TINAG: variants seen among roughly 807,000 people sequenced by gnomAD.
TINAG encodes the protein tubulointerstitial nephritis antigen.
Under a neutral mutation model 72.7 loss-of-function variants are expected in TINAG, and 83 were observed. The observed-to-expected ratio is 1.14, with a 90% CI of 0.96 to 1.37. TINAG has a LOEUF of 1.37. Among genes scored for constraint, TINAG ranks in the 40% most tolerant of loss-of-function variants. The probability of loss-of-function intolerance (pLI) is 0.00; values close to 1 mark genes in which losing one functional copy is unlikely to be tolerated. For missense variants in TINAG, 685 were observed against 576.6 expected, an observed-to-expected ratio of 1.19 and a Z score of -1.93; for synonymous variants, 234 against 189.9, an observed-to-expected ratio of 1.23 and a Z score of -1.91.
At chr6:54,326,738 T>C in intron 3 of TINAG, 64 bp from the exon 4 acceptor site, 1 of 1,175,576 alleles carries the variant, frequency 8.5e-7, no homozygotes, top group Non-Finnish European at 1.2e-6. Context: ...AAAATGTATT[T>C]ATAAAAGTGA....
At chr6:54,334,463 A>G (rs548707934) in intron 4 of TINAG, among the ~76,000 whole-genome samples, 3 of 152,242 alleles carry the variant, frequency 2.0e-5, no homozygotes, top group Admixed American at 2.0e-4. Flanking sequence ...AACTAGTATC[A>G]GAGAAGATAA....
chr6:54,344,179 A>C (rs965142749), intron 5 of TINAG, among the ~76,000 whole-genome samples: 7 of 152,210 alleles, frequency 4.6e-5, no homozygotes, highest in Non-Finnish European at 7.3e-5. Flanking sequence ...AAGGATTGTG[A>C]ACAAGTACAT....
chr6:54,350,912 T>C (rs1508643), intron 7 of TINAG, among the ~76,000 whole-genome samples: 100,020 of 151,222 alleles, frequency 0.66, 33,948 homozygotes, highest in Non-Finnish European at 0.74. Flanking sequence ...GCTCAATATG[T>C]ACAGAAAAAT....
chr6:54,383,737 G>C (rs1028096337), intron 10 of TINAG, among the ~76,000 whole-genome samples: 4 of 152,088 alleles, frequency 2.6e-5, no homozygotes, highest in Non-Finnish European at 5.9e-5. Context: ...GAAAAATCTA[G>C]ATGAAAAGAT....
intron 4 of TINAG, among the ~76,000 whole-genome samples, chr6:54,329,808 G>A (rs1180235653): frequency 1.3e-5 from 2 of 151,928 alleles, no homozygotes; most frequent in Admixed American, 6.6e-5. Flanking sequence ...AGAAAAAAAA[G>A]CAGGGGTTGC....
At chr6:54,370,578 T>C (rs923689516) in intron 9 of TINAG, among the ~76,000 whole-genome samples, 12 of 152,084 alleles carry the variant, frequency 7.9e-5, no homozygotes, top group Non-Finnish European at 1.3e-4. Context: ...GATATGGAGA[T>C]GAATAACATG....
At chr6:54,319,941 G>C (rs978879694) in intron 1 of TINAG, among the ~76,000 whole-genome samples, 3 of 152,044 alleles carry the variant, frequency 2.0e-5, no homozygotes, top group African/African-American at 7.2e-5. Flanking sequence ...ATATGATAAT[G>C]ATTCACCATC....
chr6:54,349,687 A>T (rs775565508), intron 6 of TINAG, 29 bp from the exon 7 acceptor site: 13 of 1,508,864 alleles, frequency 8.6e-6, no homozygotes, highest in Admixed American at 5.9e-5. Flanking sequence ...CCTAAATATT[A>T]CCTTTGCTTC....
chr6:54,326,361 A>T (rs1784601967), intron 3 of TINAG, among the ~76,000 whole-genome samples: 1 of 151,824 alleles, frequency 6.6e-6, no homozygotes, highest in South Asian at 2.1e-4. Flanking sequence ...TACCTATTTT[A>T]TCCTTCATTT....
intron 4 of TINAG, chr6:54,327,140 G>A (rs1161836835): frequency 1.9e-6 from 3 of 1,548,660 alleles, no homozygotes; most frequent in Middle Eastern, 1.7e-4. Flanking sequence ...GTCTCCTTTA[G>A]GAATGATTGA....
In TINAG at chr6:54,375,199, G is replaced by A. The variant is rs527936458; in HGVS notation, c.1251-5327G>A. ...AAGCAAATGTGTTCTTAACACATGA[G>A]TTAGGAAATAATTATTCTCATCACA... On this transcript the variant is annotated intron_variant, in intron 9 of 10. Coordinates refer to ENST00000259782, the MANE Select transcript of TINAG (RefSeq NM_014464.4). Among the ~76,000 whole-genome samples, 5 of 152,264 alleles carry A rather than the reference G, an allele frequency of 3.3e-5. No homozygotes were observed. The South Asian group carries it at 1.0e-3, about 32-fold the overall frequency.
intron 4 of TINAG, among the ~76,000 whole-genome samples, chr6:54,329,548 T>C (rs964513690): frequency 6.6e-6 from 1 of 152,182 alleles, no homozygotes; most frequent in Admixed American, 6.5e-5. Context: ...ATTGACACTA[T>C]GAAGAAACTG....
At chr6:54,375,000 G>A (rs1046074648) in intron 9 of TINAG, among the ~76,000 whole-genome samples, 12 of 151,956 alleles carry the variant, frequency 7.9e-5, no homozygotes, top group African/African-American at 2.9e-4. Context: ...TATTGGGTAC[G>A]TGCAGAGACC....
chr6:54,341,420 A>C (rs1285180838), intron 4 of TINAG, among the ~76,000 whole-genome samples: 1 of 152,090 alleles, frequency 6.6e-6, no homozygotes, highest in African/African-American at 2.4e-5. Flanking sequence ...ACCATCCTTG[A>C]AGTTATCATG....
In TINAG at chr6:54,310,076, C is replaced by CGTGTGTGTGTGTGTGTGTGT. The variant is rs138971244; in HGVS notation, c.355+1183_355+1202dup. Among the ~76,000 whole-genome samples the CGTGTGTGTGTGTGTGTGTGT allele has an allele frequency of 1.5e-3, 190 of 127,722 alleles. 4 individuals are homozygous for CGTGTGTGTGTGTGTGTGTGT. The highest frequency in any genetic ancestry group is 3.9e-3 in the Middle Eastern group (1 of 256). The allele number at this position is 127,722 out of a possible 152,430, so 83.8% of individuals were successfully genotyped here. On this transcript the variant is annotated intron_variant, in intron 1 of 10. Coordinates refer to ENST00000259782, the MANE Select transcript of TINAG (RefSeq NM_014464.4). ...TTTCTTTTTTCCTTCCTTTTTTTTC[C>CGTGTGTGTGTGTGTGTGTGT]GTGTGTGTGTGTGTGTGTGTGTGTG...
chr6:54,321,166 A>T (rs1784481641), intron 2 of TINAG, 131 bp from the exon 3 acceptor site: 4 of 736,602 alleles, frequency 5.4e-6, no homozygotes, highest in Non-Finnish European at 9.2e-6. Flanking sequence ...TTTGCCAAGA[A>T]TCAAATAACC....
intron 9 of TINAG, among the ~76,000 whole-genome samples, chr6:54,371,983 T>TTG (rs1763627120): frequency 1.3e-5 from 1 of 75,454 alleles, no homozygotes; most frequent in South Asian, 3.8e-4. Flanking sequence ...CAAGTCATGT[T>TTG]TTTTTTTTTT....
chr6:54,311,107 G>T (rs3777660), intron 1 of TINAG, among the ~76,000 whole-genome samples: 14,413 of 151,734 alleles, frequency 0.095, 1,311 homozygotes, highest in East Asian at 0.31. Context: ...ATGTGGTCTT[G>T]TTTTGTGTGC....
intron 2 of TINAG, 69 bp from the exon 3 acceptor site, chr6:54,321,228 A>C (rs985120211): frequency 1.4e-5 from 16 of 1,161,226 alleles, no homozygotes; most frequent in Admixed American, 1.0e-4. Context: ...ACAATGTATA[A>C]CTCTTTTTAC....
Sources: allele counts gnomAD v4.1 joint callset (sites outside exome capture counted in the v4.1 genomes callset), GRCh38; gene constraint gnomAD v4.1.1; transcripts MANE v1.5; gene names NCBI Gene and HGNC (gene_info 2026-07-23, HGNC 2026-07-21).